Variants in PASD1 observed in about 807,000 individuals in gnomAD.
PASD1 encodes the protein circadian clock protein PASD1.
A neutral mutation model predicts 58.8 loss-of-function variants in PASD1; 13 were observed. That is an observed-to-expected ratio of 0.22 (90% CI 0.14 to 0.35). The LOEUF (loss-of-function observed/expected upper bound fraction) is 0.35. PASD1 is among the 10% of genes least tolerant of loss of function. The probability of loss-of-function intolerance (pLI) is 1.00; values close to 1 mark genes in which losing one functional copy is unlikely to be tolerated. For synonymous variants in PASD1, 236 were observed against 216.7 expected, an observed-to-expected ratio of 1.09 and a Z score of -0.78; for missense variants, 734 against 568.3, an observed-to-expected ratio of 1.29 and a Z score of -2.96.
chrX:151,669,166 A>ATG (rs201216842), intron 11 of PASD1, among the ~76,000 whole-genome samples: 31,905 of 93,119 alleles, frequency 0.34, 4,267 homozygotes, highest in Non-Finnish European at 0.45. Context: ...TATATACTAT[A>ATG]TGTGTGTGTG....
At chrX:151,571,074 G>T (rs2012920359) in intron 1 of PASD1, among the ~76,000 whole-genome samples, 1 of 111,930 alleles carries the variant, frequency 8.9e-6, no homozygotes, top group African/African-American at 3.3e-5. Flanking sequence ...TTTGTGCAAG[G>T]CTGGGGGATC....
chrX:151,665,714 C>T (rs1435257429), intron 11 of PASD1, among the ~76,000 whole-genome samples: 1 of 111,187 alleles, frequency 9.0e-6, no homozygotes, highest in Admixed American at 9.6e-5. Flanking sequence ...AGTCCTCTCT[C>T]CTTCGATGGA....
chrX:151,666,124 A>G (rs1209285766), intron 11 of PASD1, among the ~76,000 whole-genome samples: 9 of 110,065 alleles, frequency 8.2e-5, no homozygotes, highest in African/African-American at 2.6e-4. Flanking sequence ...GAACCACAGT[A>G]TAAGTCTATT....
chrX:151,627,106 T>C (rs951690461), intron 8 of PASD1, among the ~76,000 whole-genome samples: 9 of 112,076 alleles, frequency 8.0e-5, no homozygotes, highest in Admixed American at 6.6e-4. Context: ...CAATGTGACA[T>C]GTCTGCTCAT....
At chrX:151,636,197 C>T in intron 8 of PASD1, among the ~76,000 whole-genome samples, 1 of 110,742 alleles carries the variant, frequency 9.0e-6, no homozygotes, top group Non-Finnish European at 1.9e-5. Context: ...GTTGATTCTG[C>T]CTTCTAACCC....
At chrX:151,610,686 C>T (rs2013544671) in intron 3 of PASD1, among the ~76,000 whole-genome samples, 1 of 111,101 alleles carries the variant, frequency 9.0e-6, no homozygotes. Flanking sequence ...ATTTTGATTT[C>T]CTTTTATTAG....
At chrX:151,564,814 T>C (rs2012808596) in intron 1 of PASD1, among the ~76,000 whole-genome samples, 1 of 110,165 alleles carries the variant, frequency 9.1e-6, no homozygotes, top group Non-Finnish European at 1.9e-5. Flanking sequence ...GAGGTTGCAG[T>C]GAGTCATGAA....
chrX:151,575,012 C>T (rs2012982722), intron 1 of PASD1, among the ~76,000 whole-genome samples: 1 of 111,097 alleles, frequency 9.0e-6, no homozygotes, highest in African/African-American at 3.3e-5. Flanking sequence ...TTTTACATTG[C>T]AGAAAAAGGA....
Position 151,621,544 on chromosome X carries a change from G to C in PASD1, c.370G>C (p.Ala124Pro). The change falls in exon 6 of 16, where the codon GCT becomes CCT. Residue 124 changes from alanine (A) to proline (P), a missense_variant. Transcript: ENST00000370357. ...RGNVEHGDSSAYENVKFIVNV... is the reference protein window; with the variant it reads ...RGNVEHGDSSPYENVKFIVNV... ...AAATGTCGAACATGGTGATAGTTCTGCTTACGAAAACGTGAAATTTATTGT... is the reference window on the plus strand; with the variant it reads ...AAATGTCGAACATGGTGATAGTTCTCCTTACGAAAACGTGAAATTTATTGT... 1.7e-6 allele frequency: 2 copies of C among 1,206,511 alleles called. No individual in the cohort carries two copies. The highest frequency in any genetic ancestry group is 1.7e-5 in the African/African-American group (1 of 57,474).
At chrX:151,619,433 G>T (rs1480015757) in intron 4 of PASD1, among the ~76,000 whole-genome samples, 1 of 111,388 alleles carries the variant, frequency 9.0e-6, no homozygotes, top group African/African-American at 3.3e-5. Flanking sequence ...TAATGAGATG[G>T]AAGTGGAAGA....
chrX:151,661,913 G>T (rs1018251207), intron 10 of PASD1, among the ~76,000 whole-genome samples: 1 of 112,511 alleles, frequency 8.9e-6, no homozygotes, highest in African/African-American at 3.2e-5. Context: ...CCTCCTTAGG[G>T]CATCATATCA....
chrX:151,572,796 C>T (rs1296379385), intron 1 of PASD1, among the ~76,000 whole-genome samples: 2 of 107,658 alleles, frequency 1.9e-5, no homozygotes, highest in East Asian at 5.9e-4. Context: ...TGGCTATCTC[C>T]ATATTAAGTC....
At chrX:151,622,586 T>TACACACAC (rs202044764) in intron 6 of PASD1, among the ~76,000 whole-genome samples, 28,930 of 96,367 alleles carry the variant, frequency 0.3, 4,132 homozygotes, top group East Asian at 0.72. Context: ...GTGCACAGAT[T>TACACACAC]ACACACACAC....
At chrX:151,584,181 A>G (rs1415531292) in intron 1 of PASD1, among the ~76,000 whole-genome samples, 6 of 111,687 alleles carry the variant, frequency 5.4e-5, no homozygotes, top group Admixed American at 9.5e-5. Flanking sequence ...GATTGAAGAA[A>G]TCAATCAGGG....
At chrX:151,664,371 C>G (rs374832520) in intron 11 of PASD1, 23 bp downstream of exon 11, 2 of 1,206,861 alleles carry the variant, frequency 1.7e-6, no homozygotes, top group Non-Finnish European at 2.2e-6. Context: ...TCTCGCTTCA[C>G]TCGCTTCACG....
At chrX:151,650,448 C>T (rs1010402306) in intron 9 of PASD1, among the ~76,000 whole-genome samples, 2 of 110,869 alleles carry the variant, frequency 1.8e-5, no homozygotes, top group South Asian at 7.7e-4. Context: ...TTTGCTTATT[C>T]CCATTCAGTC....
chrX:151,647,758 C>T (rs1258024815), intron 8 of PASD1, among the ~76,000 whole-genome samples: 11 of 110,039 alleles, frequency 1.0e-4, no homozygotes, highest in African/African-American at 3.6e-4. Flanking sequence ...TTGTCAGGGT[C>T]CTCTGAAATA....
chrX:151,573,602 A>G (rs2124222167), intron 1 of PASD1, among the ~76,000 whole-genome samples: 1 of 112,880 alleles, frequency 8.9e-6, no homozygotes, highest in African/African-American at 3.2e-5. Flanking sequence ...GATGGAGGAC[A>G]GAGGATCAGA....
In PASD1 at chrX:151,664,148, C is replaced by G. The variant is rs1417331057; in HGVS notation, c.871C>G (p.Pro291Ala). The change falls in exon 11 of 16, where the codon CCT becomes GCT. Residue 291 changes from proline (P) to alanine (A), a missense_variant. Transcript: ENST00000370357. ...ATCCTTGCAAGACTTTCGAGGTGAG[C>G]CTGAGGTGAATCCATTGTACAGGGC... ...ALSLQDFRGEPEVNPLYRADP... is the reference protein window; with the variant it reads ...ALSLQDFRGEAEVNPLYRADP... 1.7e-6 allele frequency: 2 copies of G among 1,208,615 alleles called. No individual in the cohort carries two copies. Among genetic ancestry groups the G allele is most frequent in the African/African-American group, 3.5e-5 (2 of 56,670 alleles).
Sources: gnomAD v4.1 joint callset for allele counts (sites outside exome capture counted in the v4.1 genomes callset) on GRCh38, gnomAD v4.1.1 for gene constraint, MANE v1.5 for transcripts, NCBI Gene and HGNC (gene_info 2026-07-23, HGNC 2026-07-21) for gene names.